The following TAF1 variants were observed in gnomAD, a reference collection of about 807,000 sequenced individuals.
The protein encoded by TAF1 is transcription initiation factor TFIID subunit 1.
A neutral mutation model predicts 138.5 loss-of-function variants in TAF1; 2 were observed. That is an observed-to-expected ratio of 0.01 (90% CI 0.01 to 0.05). TAF1 has a LOEUF of 0.05. TAF1 is among the 10% of genes least tolerant of loss of function. The probability of loss-of-function intolerance (pLI) is 1.00; values close to 1 mark genes in which losing one functional copy is unlikely to be tolerated. For synonymous variants in TAF1, 437 were observed against 503.2 expected, an observed-to-expected ratio of 0.87 and a Z score of 1.76; for missense variants, 709 against 1,478.0, an observed-to-expected ratio of 0.48 and a Z score of 8.53.
At chrX:71,386,653 T>G (rs941127957) in intron 14 of TAF1, among the ~76,000 whole-genome samples, 3 of 112,340 alleles carry the variant, frequency 2.7e-5, no homozygotes, top group Non-Finnish European at 5.6e-5. Context: ...TCTGTAGAGA[T>G]GGGGTTTTGT....
At chrX:71,494,072 G>T (rs2039349247) in intron 13 of TAF1, among the ~76,000 whole-genome samples, 1 of 111,729 alleles carries the variant, frequency 9.0e-6, no homozygotes, top group Non-Finnish European at 1.9e-5. Context: ...GCCTCAGGCG[G>T]TACAGGACTG....
intron 32 of TAF1, among the ~76,000 whole-genome samples, chrX:71,442,036 A>ATG (rs1223476648): frequency 9.0e-6 from 1 of 111,258 alleles, no homozygotes; most frequent in Non-Finnish European, 1.9e-5. Context: ...CATGGTGTAT[A>ATG]TGTGCCACAT....
chrX:71,446,095 G>C (rs752287331), intron 32 of TAF1, among the ~76,000 whole-genome samples: 5 of 110,493 alleles, frequency 4.5e-5, no homozygotes, highest in African/African-American at 9.9e-5. Flanking sequence ...ATTTTTAGTA[G>C]AGATGGGGTT....
chrX:71,518,513 T>C (rs2039862702), intron 13 of TAF1, among the ~76,000 whole-genome samples: 1 of 110,632 alleles, frequency 9.0e-6, no homozygotes, highest in African/African-American at 3.3e-5. Flanking sequence ...TTGAAATCAA[T>C]GGAATTGGGA....
At chrX:71,429,071 C>T (rs1330426101) in intron 32 of TAF1, among the ~76,000 whole-genome samples, 4 of 110,752 alleles carry the variant, frequency 3.6e-5, no homozygotes, top group African/African-American at 9.9e-5. Context: ...GTCAGGAGAT[C>T]GAAACCATTC....
intron 13 of TAF1, among the ~76,000 whole-genome samples, chrX:71,526,903 TAAAA>T (rs775105697): frequency 1.1e-5 from 1 of 87,837 alleles, no homozygotes; most frequent in Non-Finnish European, 2.3e-5. Context: ...CCCAGTCTCT[TAAAA>T]AAAAAAAAAA....
intron 28 of TAF1, among the ~76,000 whole-genome samples, chrX:71,419,379 A>AG (rs2036207226): frequency 9.0e-6 from 1 of 110,596 alleles, no homozygotes; most frequent in African/African-American, 3.3e-5. Context: ...AAAAAGGCAA[A>AG]GGAAAAAAAA....
intron 13 of TAF1, among the ~76,000 whole-genome samples, chrX:71,505,038 G>T (rs928399011): frequency 9.2e-6 from 1 of 108,775 alleles, no homozygotes; most frequent in African/African-American, 3.4e-5. Flanking sequence ...GGCTGAGATG[G>T]GAGGACTGCT....
intron 22 of TAF1, among the ~76,000 whole-genome samples, chrX:71,396,189 G>A (rs1162387728): frequency 1.8e-5 from 2 of 109,232 alleles, no homozygotes; most frequent in Admixed American, 2.0e-4. Context: ...AAGATCCTCA[G>A]GTGATTCCTA....
chrX:71,377,826 G>GC lies in TAF1; in HGVS notation c.933+6dup. The GC allele has an allele frequency of 8.4e-7, 1 of 1,193,857 alleles. No homozygotes were observed. The highest frequency in any genetic ancestry group is 1.1e-6 in the Non-Finnish European group (1 of 887,453). ...CAGTGTCTCTCTGATGATGAAGTAGGCAAAATAGAGACCTGAGATTAAGGC... is the reference window on the plus strand; with the variant it reads ...CAGTGTCTCTCTGATGATGAAGTAGGCCAAAATAGAGACCTGAGATTAAGGC... On this transcript the variant is annotated splice_donor_region_variant and intron_variant, in intron 6 of 37. Coordinates refer to ENST00000423759, the MANE Select transcript of TAF1 (RefSeq NM_004606.5).
chrX:71,388,898 T>A (rs374278967), intron 17 of TAF1, 30 bp downstream of exon 17: 4 of 1,165,602 alleles, frequency 3.4e-6, no homozygotes, highest in Admixed American at 2.7e-5. Flanking sequence ...ACACCACTTA[T>A]GCCTGTGGTT....
intron 32 of TAF1, among the ~76,000 whole-genome samples, chrX:71,428,283 AGTAGACATAATG>A (rs2036701413): frequency 9.0e-6 from 1 of 111,009 alleles, no homozygotes; most frequent in South Asian, 3.8e-4. Flanking sequence ...TCAATTTTTT[AGTAGACATAATG>A]GTAGTGAGAC....
At chrX:71,519,146 T>C (rs1296662579) in intron 13 of TAF1, among the ~76,000 whole-genome samples, 1 of 106,598 alleles carries the variant, frequency 9.4e-6, no homozygotes, top group Non-Finnish European at 1.9e-5. Context: ...CACGGTGAAA[T>C]CCCGTCTCTA....
At chrX:71,437,713 A>G (rs1335748498) in intron 32 of TAF1, among the ~76,000 whole-genome samples, 1 of 109,682 alleles carries the variant, frequency 9.1e-6, no homozygotes, top group Admixed American at 9.8e-5. Flanking sequence ...ATGTCATTGA[A>G]GAGAAGAAAA....
chrX:71,449,054 G>A (rs758091517), intron 32 of TAF1, among the ~76,000 whole-genome samples: 5 of 109,345 alleles, frequency 4.6e-5, no homozygotes, highest in African/African-American at 1.7e-4. Flanking sequence ...GTTCAATGGC[G>A]CGATCTCGGC....
In TAF1 at chrX:71,436,960, CTTATGTTTCTTCA is replaced by C. The variant is rs766310702; in HGVS notation, c.4753+12725_4753+12737del. On this transcript the variant is annotated intron_variant, in intron 32 of 37. Transcript: ENST00000423759. ...AATTCTCCATTTTTCCTCCTGGGAG[CTTATGTTTCTTCA>C]TTTATTCACATTTTCTTTTATGTCC... Among the ~76,000 whole-genome samples the C allele has an allele frequency of 6.3e-5, 7 of 111,642 alleles. No homozygotes were observed. The Admixed American group carries it at 6.7e-4, about 11-fold the overall frequency.
At chrX:71,512,175 C>T (rs188652139) in intron 13 of TAF1, among the ~76,000 whole-genome samples, 4 of 110,596 alleles carry the variant, frequency 3.6e-5, no homozygotes, top group Non-Finnish European at 5.7e-5. Context: ...ATTAGCCGAA[C>T]GTGGTGGCTG....
intron 13 of TAF1, chrX:71,491,043 G>GTTTTTTTTTTTTTTTTTTTTTTTTTTTTT (rs1187463669): frequency 1.7e-4 from 8 of 45,718 alleles, no homozygotes; most frequent in East Asian, 6.1e-4. Context: ...TGTTGTTGTT[G>GTTTTTTTTTTTTTTTTTTTTTTTTTTTTT]TTTTTTTTTT....
At chrX:71,412,896 A>C (rs2035872677) in intron 28 of TAF1, among the ~76,000 whole-genome samples, 1 of 111,419 alleles carries the variant, frequency 9.0e-6, no homozygotes, top group African/African-American at 3.3e-5. Context: ...TTTTAATTTT[A>C]ATTTTTTTTA....
Sources: gnomAD v4.1 joint callset for allele counts (sites outside exome capture counted in the v4.1 genomes callset) on GRCh38, gnomAD v4.1.1 for gene constraint, MANE v1.5 for transcripts, NCBI Gene and HGNC (gene_info 2026-07-23, HGNC 2026-07-21) for gene names.